The following CSMD1 variants were observed in gnomAD, a reference collection of about 807,000 sequenced individuals.
CSMD1 encodes CUB and sushi domain-containing protein 1.
Under a neutral mutation model 417.5 loss-of-function variants are expected in CSMD1, and 213 were observed. The ratio of observed to expected loss-of-function variants is 0.51; its 90% confidence interval spans 0.46 to 0.57. CSMD1 has a LOEUF of 0.57. CSMD1 is among the 20% of genes least tolerant of loss of function. The pLI is 0.00. For missense variants in CSMD1, 6,923 were observed against 4,529.7 expected (o/e 1.53, Z -15.17); for synonymous variants, 2,862 against 1,736.8 (o/e 1.65, Z -16.11).
chr8:3,604,325 G>T (rs1398937954), intron 8 of CSMD1, among the ~76,000 whole-genome samples: 1 of 152,180 alleles, frequency 6.6e-6, no homozygotes. Context: ...GTCCATTTCA[G>T]ATTGTGTGGC....
At chr8:3,398,939 T>C (rs1344924557) in intron 16 of CSMD1, among the ~76,000 whole-genome samples, 1 of 152,202 alleles carries the variant, frequency 6.6e-6, no homozygotes, top group Middle Eastern at 3.2e-3. Flanking sequence ...ATTGATCTGC[T>C]GTCCGCACCC....
intron 8 of CSMD1, among the ~76,000 whole-genome samples, chr8:3,590,637 A>G (rs1282138985): frequency 2.0e-5 from 3 of 152,176 alleles, no homozygotes; most frequent in Non-Finnish European, 4.4e-5. Context: ...AAAGCCATCA[A>G]TAGAATATGG....
intron 1 of CSMD1, among the ~76,000 whole-genome samples, chr8:4,878,677 T>A (rs1216704823): frequency 6.6e-6 from 1 of 151,426 alleles, no homozygotes; most frequent in African/African-American, 2.4e-5. Flanking sequence ...ATGTGTAGGG[T>A]CTTATATTCT....
At chr8:3,699,471 G>A (rs1464876722) in intron 7 of CSMD1, among the ~76,000 whole-genome samples, 2 of 152,330 alleles carry the variant, frequency 1.3e-5, no homozygotes, top group Admixed American at 6.5e-5. Flanking sequence ...AGCCACGGAG[G>A]AAGTCCTTTA....
intron 1 of CSMD1, among the ~76,000 whole-genome samples, chr8:4,856,125 C>T (rs549041205): frequency 2.0e-5 from 3 of 151,494 alleles, no homozygotes; most frequent in Non-Finnish European, 4.4e-5. Context: ...TTCTTAAAGA[C>T]AAGAATTTTC....
intron 5 of CSMD1, among the ~76,000 whole-genome samples, chr8:3,891,031 C>CT (rs1806935458): frequency 6.6e-6 from 1 of 151,174 alleles, no homozygotes; most frequent in Admixed American, 6.6e-5. Flanking sequence ...AATTGAGCAG[C>CT]TTTTTTGTTT....
chr8:3,974,199 C>T (rs1240611349), intron 5 of CSMD1, among the ~76,000 whole-genome samples: 1 of 152,000 alleles, frequency 6.6e-6, no homozygotes, highest in Admixed American at 6.6e-5. Flanking sequence ...GCTGAAAGAT[C>T]AAAGCCAGGA....
chr8:4,805,522 C>G (rs1798538003), intron 1 of CSMD1, among the ~76,000 whole-genome samples: 1 of 152,150 alleles, frequency 6.6e-6, no homozygotes, highest in South Asian at 2.1e-4. Context: ...CTCTGCCACA[C>G]TCCCTCATCA....
chr8:4,463,873 C>G (rs1364150722), intron 2 of CSMD1, among the ~76,000 whole-genome samples: 1 of 152,074 alleles, frequency 6.6e-6, no homozygotes, highest in African/African-American at 2.4e-5. Context: ...GAGTACACTT[C>G]AGGTCAATAT....
At chr8:3,338,431 A>G (rs1485974960) in intron 23 of CSMD1, among the ~76,000 whole-genome samples, 1 of 152,238 alleles carries the variant, frequency 6.6e-6, no homozygotes, top group African/African-American at 2.4e-5. Context: ...CAAGAAAGGG[A>G]TAGACAGAGA....
chr8:4,882,331 A>G (rs1308211360), intron 1 of CSMD1, among the ~76,000 whole-genome samples: 1 of 151,508 alleles, frequency 6.6e-6, no homozygotes, highest in African/African-American at 2.4e-5. Flanking sequence ...CTCTCCTGAC[A>G]TGTCGCCTGC....
chr8:3,188,308 T>TTG (rs1585599340), intron 35 of CSMD1, among the ~76,000 whole-genome samples: 1 of 131,120 alleles, frequency 7.6e-6, no homozygotes, highest in East Asian at 2.2e-4. Context: ...TCCTTTCTTT[T>TTG]TTTTTTTTTT....
At chr8:3,439,308 TA>T (rs1316738541) in intron 12 of CSMD1, among the ~76,000 whole-genome samples, 780 of 55,904 alleles carry the variant, frequency 0.014, 3 homozygotes, top group African/African-American at 0.033. Flanking sequence ...TATATATATA[TA>T]TTTTTTTTTT....
At chr8:3,845,506 G>T (rs372027180) in intron 5 of CSMD1, among the ~76,000 whole-genome samples, 1 of 152,148 alleles carries the variant, frequency 6.6e-6, no homozygotes, top group East Asian at 1.9e-4. Context: ...CCTGTACAGG[G>T]TACTTGCCAT....
chr8:3,388,603 T>C (rs377293397), intron 17 of CSMD1, among the ~76,000 whole-genome samples: 2 of 152,242 alleles, frequency 1.3e-5, no homozygotes, highest in African/African-American at 2.4e-5. Context: ...TTTCTGATCA[T>C]TGCATATGTT....
intron 3 of CSMD1, among the ~76,000 whole-genome samples, chr8:4,217,734 A>T (rs1258445568): frequency 1.3e-5 from 2 of 152,018 alleles, no homozygotes; most frequent in Non-Finnish European, 2.9e-5. Context: ...TGACTTCTAT[A>T]CTCTACGGTG....
intron 3 of CSMD1, among the ~76,000 whole-genome samples, chr8:4,103,856 G>C (rs574380992): frequency 1.6e-4 from 25 of 152,292 alleles, no homozygotes; most frequent in African/African-American, 5.8e-4. Flanking sequence ...TGGCAGCATT[G>C]TCTGGTGCTA....
chr8:3,970,340 A>G (rs948358631), intron 5 of CSMD1, among the ~76,000 whole-genome samples: 1 of 152,228 alleles, frequency 6.6e-6, no homozygotes, highest in Admixed American at 6.5e-5. Context: ...CTATACCAGC[A>G]TAAGATCGCA....
intron 12 of CSMD1, among the ~76,000 whole-genome samples, chr8:3,449,496 A>G (rs1295127860): frequency 1.3e-5 from 2 of 151,888 alleles, no homozygotes; most frequent in East Asian, 3.9e-4. Context: ...GAAGAACAAA[A>G]TGAACATACC....
Sources: gnomAD v4.1 joint callset for allele counts (sites outside exome capture counted in the v4.1 genomes callset) on GRCh38, gnomAD v4.1.1 for gene constraint, MANE v1.5 for transcripts, NCBI Gene and HGNC (gene_info 2026-07-23, HGNC 2026-07-21) for gene names.